The following CCDC61 variants were observed in gnomAD, a reference collection of about 807,000 sequenced individuals.
CCDC61 encodes coiled-coil domain containing 61.
In CCDC61, 55 loss-of-function variants were observed where a neutral mutation model predicts 63.0. The ratio of observed to expected loss-of-function variants is 0.87; its 90% CI spans 0.70 to 1.09. The LOEUF is 1.09. CCDC61 is among the 50% of genes least tolerant of loss of function. CCDC61 has a pLI of 0.00. For missense variants in CCDC61, 651 were observed against 731.4 expected, an observed-to-expected ratio of 0.89 and a Z score of 1.27; for synonymous variants, 270 against 317.0, an observed-to-expected ratio of 0.85 and a Z score of 1.58.
intron 4 of CCDC61, among the ~76,000 whole-genome samples, chr19:46,007,786 C>G (rs1051686856): frequency 2.0e-5 from 3 of 152,170 alleles, no homozygotes; most frequent in Non-Finnish European, 4.4e-5. Flanking sequence ...CCAGGCCAGG[C>G]CAACCAGAAT....
intron 1 of CCDC61, chr19:45,996,244 G>A (rs1444018813): frequency 6.6e-6 from 1 of 152,320 alleles, no homozygotes; most frequent in African/African-American, 2.4e-5. Flanking sequence ...TGTATTTCCA[G>A]CCTGGATCTC....
At chr19:46,004,531 C>T (rs1018081630) in intron 3 of CCDC61, among the ~76,000 whole-genome samples, 2 of 151,898 alleles carry the variant, frequency 1.3e-5, no homozygotes, top group African/African-American at 4.8e-5. Flanking sequence ...GTGGCGTGAT[C>T]TCAACTCACT....
chr19:46,016,634 T>C lies in CCDC61; in HGVS notation c.1092-60T>C. On this transcript the variant is annotated intron_variant, in intron 9 of 13. Transcript: ENST00000595358. The surrounding 1 kb of genome is among the most constrained non-coding windows in gnomAD (Gnocchi z 7.2). Reference sequence around the variant, plus strand: ...GTGGCTGTGACCTTTAGGGGCGCAGTGACCCCCTTGCCTGCAGGAGTTGGG... The same window carrying C: ...GTGGCTGTGACCTTTAGGGGCGCAGCGACCCCCTTGCCTGCAGGAGTTGGG... 6.3e-7 allele frequency: 1 copy of C among 1,596,396 alleles called. No homozygotes were observed. The highest frequency in any genetic ancestry group is 1.7e-5 in the Admixed American group (1 of 57,150).
At chr19:46,005,135 C>A (rs932594191) in intron 3 of CCDC61, among the ~76,000 whole-genome samples, 1 of 152,066 alleles carries the variant, frequency 6.6e-6, no homozygotes, top group Non-Finnish European at 1.5e-5. Flanking sequence ...TTCAGCCTCC[C>A]GAGTAGCTGG....
chr19:46,014,421 C>G (rs150883677), intron 5 of CCDC61, among the ~76,000 whole-genome samples: 1 of 152,326 alleles, frequency 6.6e-6, no homozygotes, highest in East Asian at 1.9e-4. Context: ...ACAGCAGTCA[C>G]TCGGTGACAG....
intron 3 of CCDC61, 27 bp downstream of exon 3, chr19:46,003,528 T>TGGGGGGG: frequency 1.1e-6 from 1 of 883,178 alleles, no homozygotes; most frequent in Non-Finnish European, 1.7e-6. Context: ...CGGGTTGGGG[T>TGGGGGGG]GGGAGGGGGG....
chr19:46,003,528 T>TTTGGGGG, intron 3 of CCDC61, 27 bp downstream of exon 3: 3 of 883,176 alleles, frequency 3.4e-6, no homozygotes, highest in South Asian at 1.4e-5. Context: ...CGGGTTGGGG[T>TTTGGGGG]GGGAGGGGGG....
At position 46,016,023 on chromosome 19, in the gene CCDC61, G is replaced by A; in HGVS notation, c.846-31G>A. 1 of 1,234,584 alleles carries A rather than the reference G, an allele frequency of 8.1e-7. No homozygotes were observed. Among genetic ancestry groups the A allele is most frequent in the African/African-American group, 1.6e-5 (1 of 64,410 alleles). 76.5% of individuals were successfully genotyped at this position (1,234,584 alleles called of 1,614,324 possible). On this transcript the variant is annotated intron_variant, in intron 7 of 13. Transcript: ENST00000595358. This position sits in a 1 kb window ranked among gnomAD's most constrained non-coding sequence, Gnocchi z 7.2. ...CGCGATTGAGTTTGTCGGGGCGGGC[G>A]GGAAGCTGACAGCTGCCTCTGTGGT...
chr19:45,995,545 G>A (rs1289868469), intron 1 of CCDC61, 41 bp downstream of exon 1: 1 of 491,578 alleles, frequency 2.0e-6, no homozygotes, highest in African/African-American at 2.0e-5. Context: ...GGCCGTGGTG[G>A]AGGTCTTAGG....
Position 46,001,475 on chromosome 19 carries a change from C to T in CCDC61, c.-11-1533C>T, listed in dbSNP as rs113601159. Among the ~76,000 whole-genome samples, 554 of 152,314 alleles carry T rather than the reference C, an allele frequency of 3.6e-3. 3 individuals are homozygous for T. Among genetic ancestry groups the T allele is most frequent in the African/African-American group, 0.013 (535 of 41,566 alleles). ...CTGACCTCAAATGATCCACCCTCCT[C>T]GGCCTCCCAAAGTGCTGGGATTACA... is the stretch of plus-strand genomic sequence containing the variant. On this transcript the variant is annotated intron_variant, in intron 1 of 13. Coordinates refer to ENST00000595358, the MANE Select transcript of CCDC61 (RefSeq NM_001267723.2).
In CCDC61 at chr19:46,003,516, G is replaced by A. The variant is rs751988018; in HGVS notation, c.231+15G>A. The A allele has an allele frequency of 1.9e-6, 3 of 1,588,400 alleles. No homozygotes were observed. Among genetic ancestry groups the A allele is most frequent in the Non-Finnish European group, 2.6e-6 (3 of 1,159,802 alleles). The stretch of plus-strand genomic sequence containing the variant: ...CCCTCACTCAGGTAGGGCCCGGGTT[G>A]GCGGGTTGGGGTGGGAGGGGGGTTC... On this transcript the variant is annotated intron_variant, in intron 3 of 13. Coordinates refer to ENST00000595358, the MANE Select transcript of CCDC61 (RefSeq NM_001267723.2).
At chr19:45,997,477 A>G (rs9797556) in intron 1 of CCDC61, among the ~76,000 whole-genome samples, 66,644 of 149,286 alleles carry the variant, frequency 0.45, 15,359 homozygotes, top group East Asian at 0.69. Context: ...GGTAGCCTCC[A>G]CCTCCTGGGT....
chr19:46,009,409 A>C (rs565662758), intron 5 of CCDC61, among the ~76,000 whole-genome samples: 9 of 152,282 alleles, frequency 5.9e-5, no homozygotes, highest in African/African-American at 2.2e-4. Flanking sequence ...TGAACATTTA[A>C]CTGTATGCCA....
Position 46,017,268 on chromosome 19 carries a change from G to A in CCDC61, c.1332G>A (p.Lys444=). 1 of 1,566,948 alleles carries A rather than the reference G, an allele frequency of 6.4e-7. No individual in the cohort carries two copies. Among genetic ancestry groups the A allele is most frequent in the Non-Finnish European group, 8.7e-7 (1 of 1,155,344 alleles). ...LSRGGHRRRG[K]PPSPTPWSGS... is the part of the protein sequence containing the mutation. ...TCAGGGGTCACCGCCGCCGTGGGAA[G>A]CCTCCCAGCCCAACGCCCTGGAGTG... Residue 444 remains lysine (K), a synonymous_variant, in exon 12 of 14, where the codon AAG becomes AAA. Transcript: ENST00000595358.
intron 1 of CCDC61, chr19:46,000,107 G>A: frequency 1.0e-6 from 1 of 975,446 alleles, no homozygotes; most frequent in South Asian, 4.8e-5. Context: ...TCAGGGTCCG[G>A]GGAATCCTAG....
chr19:45,998,039 C>T (rs190893001), intron 1 of CCDC61, among the ~76,000 whole-genome samples: 22 of 152,336 alleles, frequency 1.4e-4, no homozygotes, highest in Middle Eastern at 6.8e-3. Flanking sequence ...GACCTCCCCA[C>T]TAGAGTGTTT....
intron 5 of CCDC61, among the ~76,000 whole-genome samples, chr19:46,011,224 T>A (rs183461960): frequency 3.3e-5 from 5 of 152,216 alleles, no homozygotes; most frequent in Admixed American, 2.6e-4. Context: ...AATTTTCATA[T>A]TTTTTTATAG....
rs770551449 is a variant in CCDC61 at position 46,006,632 on chromosome 19, G to T, written c.305G>T (p.Gly102Val). 2.5e-6 allele frequency: 4 copies of T among 1,613,718 alleles called. No homozygotes were observed. The highest frequency in any genetic ancestry group is 1.6e-4 in the Middle Eastern group (1 of 6,082). The change falls in exon 4 of 14, where the codon GGC becomes GTC. Residue 102 changes from glycine to valine, a missense_variant. Transcript: ENST00000595358. Reference sequence around the variant, plus strand: ...TCCCTGCGGAACCGCAAGATGGGGGGCCGCCCAGGCTCCTTGGCCCCCAGG... The same window carrying T: ...TCCCTGCGGAACCGCAAGATGGGGGTCCGCCCAGGCTCCTTGGCCCCCAGG... ...LESLRNRKMG[G>V]RPGSLAPRSA...
At chr19:45,997,401 AT>A (rs1568684956) in intron 1 of CCDC61, among the ~76,000 whole-genome samples, 2 of 144,172 alleles carry the variant, frequency 1.4e-5, no homozygotes, top group South Asian at 2.1e-4. Context: ...TATTATTATT[AT>A]TTTTTTTGAG....
Sources: gnomAD v4.1 joint callset for allele counts (sites outside exome capture counted in the v4.1 genomes callset) on GRCh38, gnomAD v4.1.1 for gene constraint, Gnocchi (gnomAD v3.1) non-coding constraint, MANE v1.5 for transcripts, NCBI Gene and HGNC (gene_info 2026-07-23, HGNC 2026-07-21) for gene names.